PPP1R1C: variants seen among roughly 807,000 people sequenced by gnomAD.
The protein encoded by PPP1R1C is protein phosphatase 1 regulatory subunit 1C.
Under a neutral mutation model 17.4 loss-of-function variants are expected in PPP1R1C, and 15 were observed. That is an observed-to-expected ratio of 0.86 (90% CI 0.58 to 1.33). The LOEUF is 1.33. Among genes scored for constraint, PPP1R1C ranks in the 40% most tolerant of loss-of-function variants. PPP1R1C has a pLI of 0.00. For missense variants in PPP1R1C, 143 were observed against 130.0 expected (o/e 1.10, Z -0.48); for synonymous variants, 35 against 43.1 (o/e 0.81, Z 0.73).
chr2:182,129,880 C>T (rs1489091318), exon 6 of PPP1R1C: 1 of 152,060 alleles, frequency 6.6e-6, no homozygotes, highest in African/African-American at 2.4e-5. Flanking sequence ...GATACTTTTG[C>T]TAATGAGGCT....
At chr2:182,102,056 T>C (rs1689112025) in intron 4 of PPP1R1C, among the ~76,000 whole-genome samples, 1 of 152,224 alleles carries the variant, frequency 6.6e-6, no homozygotes, top group African/African-American at 2.4e-5. Context: ...AATATTTTCA[T>C]TTGACAAATT....
At chr2:181,987,933 A>G in intron 2 of PPP1R1C, 34 bp downstream of exon 2, 4 of 1,552,210 alleles carry the variant, frequency 2.6e-6, no homozygotes, top group Non-Finnish European at 2.7e-6. Flanking sequence ...CACTGATGGA[A>G]CAGAATGGAA....
intron 1 of PPP1R1C, among the ~76,000 whole-genome samples, chr2:181,958,227 C>T (rs1684702853): frequency 6.6e-6 from 1 of 152,140 alleles, no homozygotes; most frequent in Admixed American, 6.5e-5. Flanking sequence ...CTTTCTCAGC[C>T]CGATCCTGCA....
chr2:181,974,421 G>A (rs1685061973), intron 1 of PPP1R1C, among the ~76,000 whole-genome samples: 1 of 152,132 alleles, frequency 6.6e-6, no homozygotes, highest in Non-Finnish European at 1.5e-5. Flanking sequence ...GAAATTCAAT[G>A]AAAGTATCTT....
chr2:182,063,479 G>C (rs1687901822), intron 3 of PPP1R1C, among the ~76,000 whole-genome samples: 1 of 152,010 alleles, frequency 6.6e-6, no homozygotes, highest in Non-Finnish European at 1.5e-5. Context: ...AGGTGGGAAA[G>C]TAAAATGATT....
intron 2 of PPP1R1C, among the ~76,000 whole-genome samples, chr2:182,006,397 A>G (rs1266930287): frequency 6.6e-6 from 1 of 152,204 alleles, no homozygotes; most frequent in Non-Finnish European, 1.5e-5. Context: ...GTGGATTTAA[A>G]GTTAATCGGA....
upstream of PPP1R1C, among the ~76,000 whole-genome samples, chr2:181,984,747 A>C (rs992530263): frequency 6.6e-6 from 1 of 152,236 alleles, no homozygotes; most frequent in Non-Finnish European, 1.5e-5. Flanking sequence ...AAATACCTGG[A>C]ATCATAGTCG....
chr2:182,091,299 A>G (rs1688773064), intron 4 of PPP1R1C, among the ~76,000 whole-genome samples: 1 of 152,162 alleles, frequency 6.6e-6, no homozygotes, highest in African/African-American at 2.4e-5. Flanking sequence ...GCAAAGACTG[A>G]AATATGATGA....
intron 2 of PPP1R1C, chr2:182,048,733 A>G (rs193074098): frequency 6.6e-6 from 1 of 152,246 alleles, no homozygotes; most frequent in African/African-American, 2.4e-5. Flanking sequence ...CCCTCCTTAT[A>G]TTGTTCAACT....
At chr2:182,119,701 C>G (rs1178548312), downstream of PPP1R1C, among the ~76,000 whole-genome samples, 1 of 152,136 alleles carries the variant, frequency 6.6e-6, no homozygotes. Context: ...GCATAAATGT[C>G]TTCTTTTGAG....
At chr2:182,114,981 C>T (rs569157207) in intron 4 of PPP1R1C, among the ~76,000 whole-genome samples, 9 of 152,194 alleles carry the variant, frequency 5.9e-5, no homozygotes, top group Admixed American at 2.6e-4. Flanking sequence ...TATATTGAAT[C>T]CCCTCATTTA....
intron 2 of PPP1R1C, among the ~76,000 whole-genome samples, chr2:182,025,196 ATTATTTAT>A (rs529485431): frequency 1.4e-5 from 2 of 145,794 alleles, no homozygotes; most frequent in East Asian, 2.0e-4. Flanking sequence ...TATTATTATT[ATTATTTAT>A]TTATTTATTT....
At chr2:182,072,210 C>A (rs1007425100) in intron 4 of PPP1R1C, among the ~76,000 whole-genome samples, 1 of 152,138 alleles carries the variant, frequency 6.6e-6, no homozygotes, top group Non-Finnish European at 1.5e-5. Context: ...CTAGAATAGG[C>A]AGATGCCATT....
At chr2:181,959,753 A>C (rs1028294279) in intron 1 of PPP1R1C, among the ~76,000 whole-genome samples, 1 of 152,208 alleles carries the variant, frequency 6.6e-6, no homozygotes, top group Non-Finnish European at 1.5e-5. Flanking sequence ...CTGTCTGTCC[A>C]TGCATGGACT....
At chr2:181,958,028 C>A (rs1684699886) in intron 1 of PPP1R1C, among the ~76,000 whole-genome samples, 1 of 151,984 alleles carries the variant, frequency 6.6e-6, no homozygotes, top group African/African-American at 2.4e-5. Flanking sequence ...AAAGCTACAC[C>A]CGTGTGATAA....
At chr2:181,958,410 A>C (rs1684705218) in intron 1 of PPP1R1C, among the ~76,000 whole-genome samples, 2 of 152,162 alleles carry the variant, frequency 1.3e-5, no homozygotes, top group South Asian at 4.1e-4. Flanking sequence ...TGAGACTGTG[A>C]GCTGTTAGAA....
intron 5 of PPP1R1C, among the ~76,000 whole-genome samples, chr2:182,123,580 G>C (rs371724324): frequency 6.6e-6 from 1 of 152,152 alleles, no homozygotes; most frequent in Admixed American, 6.6e-5. Flanking sequence ...TGGTGGTTTT[G>C]ATTTGCATTT....
At chr2:181,958,761 A>G (rs1684711445) in intron 1 of PPP1R1C, among the ~76,000 whole-genome samples, 1 of 152,184 alleles carries the variant, frequency 6.6e-6, no homozygotes. Flanking sequence ...TCTGTCTTTT[A>G]TATCTGACTT....
chr2:181,987,785 C>T (rs758261107), intron 1 of PPP1R1C, 54 bp from the exon 2 acceptor site: 12 of 1,575,606 alleles, frequency 7.6e-6, no homozygotes, highest in Non-Finnish European at 1.0e-5. Context: ...TGCAGAGTAA[C>T]CTGGAGCAGT....
Sources: allele counts gnomAD v4.1 joint callset (sites outside exome capture counted in the v4.1 genomes callset), GRCh38; gene constraint gnomAD v4.1.1; transcripts MANE v1.5; gene names NCBI Gene and HGNC (gene_info 2026-07-23, HGNC 2026-07-21).